MTUS2: variants seen among roughly 807,000 people sequenced by gnomAD.
MTUS2 encodes the protein microtubule-associated tumor suppressor candidate 2.
MTUS2 carries 40 observed loss-of-function variants against 114.1 expected under a neutral mutation model. That is an observed-to-expected ratio of 0.35 (90% CI 0.27 to 0.46). The LOEUF is 0.46. Among genes scored for constraint, MTUS2 ranks in the 20% least tolerant of loss-of-function variants. The pLI, the probability that MTUS2 is intolerant of heterozygous loss-of-function variation, is 1.00. For synonymous variants in MTUS2, 688 were observed against 672.0 expected (o/e 1.02, Z -0.37); for missense variants, 1,679 against 1,705.4 (o/e 0.98, Z 0.27).
intron 5 of MTUS2, among the ~76,000 whole-genome samples, chr13:29,105,823 T>A (rs533099943): frequency 9.8e-4 from 149 of 151,930 alleles, no homozygotes; most frequent in African/African-American, 3.5e-3. Context: ...GATGAGGATA[T>A]CAGGTTGTTT....
chr13:28,967,642 G>T (rs1465325441), intron 2 of MTUS2, among the ~76,000 whole-genome samples: 1 of 152,154 alleles, frequency 6.6e-6, no homozygotes, highest in Non-Finnish European at 1.5e-5. Context: ...TTAGACACTG[G>T]TGTCAGTGGA....
intron 5 of MTUS2, among the ~76,000 whole-genome samples, chr13:29,213,075 A>G (rs1895517794): frequency 6.6e-6 from 1 of 152,356 alleles, no homozygotes. Flanking sequence ...TTGTGACAGG[A>G]ACTGGGATCA....
chr13:29,385,539 C>T (rs1872575222), intron 8 of MTUS2, among the ~76,000 whole-genome samples: 1 of 152,208 alleles, frequency 6.6e-6, no homozygotes, highest in Non-Finnish European at 1.5e-5. Flanking sequence ...TTCCTTTAGC[C>T]TCCCTGCCCC....
intron 2 of MTUS2, among the ~76,000 whole-genome samples, chr13:28,905,128 T>A (rs951306743): frequency 3.3e-5 from 5 of 151,670 alleles, no homozygotes; most frequent in African/African-American, 1.2e-4. Context: ...TTGCTGAAGT[T>A]GCCTATCAGC....
chr13:29,408,279 A>C (rs1440198658), intron 8 of MTUS2, among the ~76,000 whole-genome samples: 1 of 152,032 alleles, frequency 6.6e-6, no homozygotes, highest in Non-Finnish European at 1.5e-5. Flanking sequence ...ATTTTGTTAT[A>C]ATCTTTTTAA....
intron 5 of MTUS2, among the ~76,000 whole-genome samples, chr13:29,229,113 T>G (rs570721392): frequency 6.6e-6 from 1 of 152,304 alleles, no homozygotes; most frequent in African/African-American, 2.4e-5. Flanking sequence ...CCCCCGAGAC[T>G]TTGATACCTT....
At chr13:28,911,570 G>A (rs1291872812) in intron 2 of MTUS2, among the ~76,000 whole-genome samples, 1 of 152,042 alleles carries the variant, frequency 6.6e-6, no homozygotes, top group Admixed American at 6.6e-5. Flanking sequence ...GATTTTTGAG[G>A]AATTGCCACA....
At chr13:29,231,553 T>C (rs1267377648) in intron 5 of MTUS2, among the ~76,000 whole-genome samples, 3 of 152,226 alleles carry the variant, frequency 2.0e-5, no homozygotes, top group Non-Finnish European at 2.9e-5. Flanking sequence ...GCTACACTTA[T>C]ATTTACAAAA....
At chr13:29,144,927 A>G (rs1892370476) in intron 5 of MTUS2, among the ~76,000 whole-genome samples, 1 of 152,222 alleles carries the variant, frequency 6.6e-6, no homozygotes, top group African/African-American at 2.4e-5. Flanking sequence ...GTCATATACT[A>G]TAGACTGCCT....
intron 9 of MTUS2, among the ~76,000 whole-genome samples, chr13:29,478,146 C>A (rs143604419): frequency 6.6e-6 from 1 of 152,186 alleles, no homozygotes; most frequent in African/African-American, 2.4e-5. Flanking sequence ...ACTGTCCCAG[C>A]CTGAAGGAGA....
chr13:28,975,084 G>A (rs534318517), intron 2 of MTUS2, among the ~76,000 whole-genome samples: 2 of 152,318 alleles, frequency 1.3e-5, no homozygotes, highest in African/African-American at 4.8e-5. Context: ...GGAAATTGCA[G>A]TGCTGAGGAA....
At chr13:28,885,162 T>C (rs982650188) in intron 2 of MTUS2, among the ~76,000 whole-genome samples, 12 of 152,214 alleles carry the variant, frequency 7.9e-5, no homozygotes, top group Non-Finnish European at 7.4e-5. Flanking sequence ...CATACTTTGC[T>C]TTTTATCTTG....
At position 29,412,798 on chromosome 13, in the gene MTUS2, A is replaced by G. The variant is rs191508745; in HGVS notation, c.3118-27185A>G. On this transcript the variant is annotated intron_variant, in intron 8 of 15. Coordinates refer to ENST00000612955, the MANE Select transcript of MTUS2 (RefSeq NM_001033602.4). ...TTCTGGCTACTCCGGAGGCTGAGGC[A>G]GGAGGATTGCTTGAGCCCAGGAGTT... Among the ~76,000 whole-genome samples the G allele has an allele frequency of 3.9e-3, 587 of 152,242 alleles. 2 individuals are homozygous for G. Among genetic ancestry groups the G allele is most frequent in the African/African-American group, 0.013 (549 of 41,546 alleles).
At chr13:29,228,379 G>A (rs902652234) in intron 5 of MTUS2, among the ~76,000 whole-genome samples, 2 of 152,146 alleles carry the variant, frequency 1.3e-5, no homozygotes, top group African/African-American at 2.4e-5. Flanking sequence ...GAAGTACAGT[G>A]ACGTGACCAT....
At chr13:29,065,393 T>C (rs1888617923) in intron 4 of MTUS2, among the ~76,000 whole-genome samples, 1 of 152,162 alleles carries the variant, frequency 6.6e-6, no homozygotes, top group Admixed American at 6.5e-5. Flanking sequence ...ATATTGAGCT[T>C]TTTTTTCATA....
At chr13:29,465,859 T>G (rs1042508533) in intron 9 of MTUS2, among the ~76,000 whole-genome samples, 37 of 152,366 alleles carry the variant, frequency 2.4e-4, no homozygotes, top group African/African-American at 8.9e-4. Flanking sequence ...CCACTCTGTC[T>G]TTGTTACTAA....
At chr13:29,091,487 C>T (rs770432484) in intron 4 of MTUS2, among the ~76,000 whole-genome samples, 5 of 106,902 alleles carry the variant, frequency 4.7e-5, no homozygotes, top group African/African-American at 1.3e-4. Context: ...ACATTATGGC[C>T]TTTGTTTCTT....
chr13:29,079,725 G>T (rs914783953), intron 4 of MTUS2, among the ~76,000 whole-genome samples: 2 of 152,100 alleles, frequency 1.3e-5, no homozygotes, highest in African/African-American at 2.4e-5. Flanking sequence ...TTTATTTCTG[G>T]AATGTTAATT....
chr13:29,167,946 C>A (rs1893387906), intron 5 of MTUS2, among the ~76,000 whole-genome samples: 1 of 152,104 alleles, frequency 6.6e-6, no homozygotes, highest in African/African-American at 2.4e-5. Context: ...AAGAGGAAAG[C>A]AAAACCAATG....
Sources: gnomAD v4.1 joint callset for allele counts (sites outside exome capture counted in the v4.1 genomes callset) on GRCh38, gnomAD v4.1.1 for gene constraint, MANE v1.5 for transcripts, NCBI Gene and HGNC (gene_info 2026-07-23, HGNC 2026-07-21) for gene names.